ADCY2: variants seen among roughly 807,000 people sequenced by gnomAD.
ADCY2 encodes adenylate cyclase 2.
ADCY2 carries 31 observed loss-of-function variants against 125.2 expected under a neutral mutation model. That is an observed-to-expected ratio of 0.25 (90% CI 0.19 to 0.33). The LOEUF is 0.33. Ranked by LOEUF, ADCY2 falls within the 10% of genes least tolerant of loss-of-function variation. ADCY2 has a pLI of 1.00. For synonymous variants in ADCY2, 512 were observed against 548.4 expected (o/e 0.93, Z 0.93); for missense variants, 904 against 1,418.2 (o/e 0.64, Z 5.82).
intron 4 of ADCY2, among the ~76,000 whole-genome samples, chr5:7,656,623 A>G (rs909829193): frequency 6.6e-6 from 1 of 152,328 alleles, no homozygotes; most frequent in East Asian, 1.9e-4. Flanking sequence ...CAGTTGTCCC[A>G]TCCCCACTCA....
chr5:7,487,405 T>C (rs1742977440), intron 2 of ADCY2, among the ~76,000 whole-genome samples: 2 of 152,190 alleles, frequency 1.3e-5, no homozygotes, highest in Non-Finnish European at 2.9e-5. Flanking sequence ...CCATTTTCCT[T>C]TTATGGGCCT....
intron 2 of ADCY2, among the ~76,000 whole-genome samples, chr5:7,417,920 C>G (rs184786004): frequency 6.6e-6 from 1 of 152,202 alleles, no homozygotes; most frequent in African/African-American, 2.4e-5. Context: ...TTCATATGTT[C>G]ATTGACAGAT....
chr5:7,603,562 G>A (rs1028008164), intron 3 of ADCY2, among the ~76,000 whole-genome samples: 39 of 152,292 alleles, frequency 2.6e-4, no homozygotes, highest in African/African-American at 9.4e-4. Context: ...CCACCTCCTT[G>A]GACGGAGAGT....
intron 18 of ADCY2, among the ~76,000 whole-genome samples, chr5:7,780,624 C>A (rs773757173): frequency 1.3e-5 from 2 of 152,128 alleles, no homozygotes; most frequent in African/African-American, 4.8e-5. Flanking sequence ...ATGATTTTAC[C>A]TCAGCTAACC....
intron 2 of ADCY2, among the ~76,000 whole-genome samples, chr5:7,500,171 G>T (rs1302683817): frequency 2.0e-5 from 3 of 152,160 alleles, no homozygotes; most frequent in Non-Finnish European, 4.4e-5. Flanking sequence ...TCTCCAAGGA[G>T]AGTCAAAGCT....
intron 2 of ADCY2, among the ~76,000 whole-genome samples, chr5:7,514,100 G>T (rs1156552902): frequency 1.3e-5 from 2 of 152,092 alleles, no homozygotes. Flanking sequence ...AGTGTCATTT[G>T]AAAGATAAAA....
chr5:7,652,995 T>C (rs1269303305), intron 4 of ADCY2, among the ~76,000 whole-genome samples: 1 of 152,160 alleles, frequency 6.6e-6, no homozygotes, highest in East Asian at 1.9e-4. Flanking sequence ...ATGGACAAAA[T>C]GAGTAAATTC....
chr5:7,650,217 G>GAC (rs3073883), intron 4 of ADCY2, among the ~76,000 whole-genome samples: 2,596 of 147,804 alleles, frequency 0.018, 34 homozygotes, highest in South Asian at 0.039. Context: ...TGCAGGCACA[G>GAC]ACACACACAC....
chr5:7,695,889 T>A (rs750075297), intron 6 of ADCY2, 26 bp downstream of exon 6: 1 of 1,500,118 alleles, frequency 6.7e-7, no homozygotes. Flanking sequence ...TCTTTTCTTC[T>A]CTGAAGATTT....
At chr5:7,670,237 G>A (rs1050782704) in intron 4 of ADCY2, among the ~76,000 whole-genome samples, 1 of 152,146 alleles carries the variant, frequency 6.6e-6, no homozygotes, top group Non-Finnish European at 1.5e-5. Context: ...AAAGATGGTG[G>A]TGCCCCTCCC....
intron 3 of ADCY2, among the ~76,000 whole-genome samples, chr5:7,527,909 T>G (rs188588310): frequency 1.3e-5 from 2 of 152,354 alleles, no homozygotes; most frequent in African/African-American, 4.8e-5. Context: ...GCCCGGTTTC[T>G]GGCTGTGGGA....
intron 2 of ADCY2, among the ~76,000 whole-genome samples, chr5:7,519,354 A>G (rs1744362264): frequency 6.6e-6 from 1 of 152,184 alleles, no homozygotes; most frequent in Non-Finnish European, 1.5e-5. Context: ...TGATTGCACC[A>G]CGTCCTTCCA....
chr5:7,567,419 C>A (rs1294887375), intron 3 of ADCY2, among the ~76,000 whole-genome samples: 1 of 152,116 alleles, frequency 6.6e-6, no homozygotes, highest in Non-Finnish European at 1.5e-5. Flanking sequence ...GAATTTGTGT[C>A]CTTTTTCCTT....
intron 4 of ADCY2, among the ~76,000 whole-genome samples, chr5:7,674,148 G>A (rs757914820): frequency 3.9e-5 from 6 of 152,188 alleles, no homozygotes; most frequent in Admixed American, 6.5e-5. Flanking sequence ...GGCCCCCACG[G>A]CATCACTCCT....
chr5:7,547,014 A>C (rs986030981), intron 3 of ADCY2, among the ~76,000 whole-genome samples: 2 of 152,128 alleles, frequency 1.3e-5, no homozygotes, highest in African/African-American at 4.8e-5. Flanking sequence ...TTAAAGTTCC[A>C]TGGGTATATG....
At chr5:7,756,842 C>T (rs931666987) in intron 15 of ADCY2, among the ~76,000 whole-genome samples, 1 of 152,042 alleles carries the variant, frequency 6.6e-6, no homozygotes, top group Non-Finnish European at 1.5e-5. Flanking sequence ...TTTCTAACAC[C>T]GTTAAAAATT....
intron 19 of ADCY2, among the ~76,000 whole-genome samples, chr5:7,787,864 C>T (rs376041546): frequency 2.0e-5 from 3 of 152,212 alleles, no homozygotes; most frequent in South Asian, 2.1e-4. Context: ...CCTAGCATGG[C>T]GCATGGAAAC....
intron 3 of ADCY2, among the ~76,000 whole-genome samples, chr5:7,618,460 A>T (rs1238351119): frequency 6.6e-6 from 1 of 152,212 alleles, no homozygotes; most frequent in East Asian, 1.9e-4. Context: ...GTGCTATGGT[A>T]ATAGAAGGGG....
intron 20 of ADCY2, 43 bp downstream of exon 20, chr5:7,789,843 C>A: frequency 1.4e-6 from 2 of 1,431,642 alleles, no homozygotes; most frequent in Non-Finnish European, 1.9e-6. Flanking sequence ...GGGCTGGATG[C>A]CATGATGACC....
Sources: allele counts gnomAD v4.1 joint callset (sites outside exome capture counted in the v4.1 genomes callset), GRCh38; gene constraint gnomAD v4.1.1; transcripts MANE v1.5; gene names NCBI Gene and HGNC (gene_info 2026-07-23, HGNC 2026-07-21).